KRT8: variants seen among roughly 807,000 people sequenced by gnomAD.
The protein encoded by KRT8 is keratin, type II cytoskeletal 8.
Under a neutral mutation model 43.0 loss-of-function variants are expected in KRT8, and 24 were observed. The ratio of observed to expected loss-of-function variants is 0.56; its 90% CI spans 0.40 to 0.78. The LOEUF (loss-of-function observed/expected upper bound fraction) is 0.78. KRT8 is among the 30% of genes least tolerant of loss of function. KRT8 has a pLI of 0.00. For synonymous variants in KRT8, 214 were observed against 261.2 expected (o/e 0.82, Z 1.74); for missense variants, 492 against 638.4 (o/e 0.77, Z 2.47).
At chr12:52,903,084 C>T (rs1592164945) in intron 1 of KRT8, among the ~76,000 whole-genome samples, 1 of 152,208 alleles carries the variant, frequency 6.6e-6, no homozygotes, top group African/African-American at 2.4e-5. Context: ...CAGCCTAGTT[C>T]CCTCCACCAC....
chr12:52,921,003 G>T (rs1260723145), intron 2 of KRT8, among the ~76,000 whole-genome samples: 1 of 152,140 alleles, frequency 6.6e-6, no homozygotes, highest in East Asian at 1.9e-4. Flanking sequence ...CCATTCCCTG[G>T]TCTCTAAGGA....
intron 3 of KRT8, 166 bp from the exon 4 acceptor site, chr12:52,900,849 C>G (rs2120557956): frequency 1.5e-6 from 1 of 662,900 alleles, no homozygotes; most frequent in East Asian, 2.7e-5. Context: ...ATTCTCAGCC[C>G]ACACACCTTC....
chr12:52,905,779 A>G (rs1051688830), upstream of KRT8, among the ~76,000 whole-genome samples: 1 of 152,042 alleles, frequency 6.6e-6, no homozygotes, highest in Admixed American at 6.6e-5. Flanking sequence ...TCGTCCCTCT[A>G]CATCTGAAGG....
At position 52,949,024 on chromosome 12, in the gene KRT8, A is replaced by G. The variant is rs1942405068; in HGVS notation, c.-47+432T>C. 4 of 701,290 alleles carry G rather than the reference A, an allele frequency of 5.7e-6. No individual in the cohort carries two copies. In the Admixed American group the frequency reaches 1.1e-4, roughly 19 times the overall value. The allele number at this position is 701,290 out of a possible 1,614,324, so 43.4% of individuals were successfully genotyped here. On this transcript the variant is annotated intron_variant, in intron 2 of 6. Transcript: ENST00000546826. Reference sequence around the variant, plus strand: ...CCCGGGGCGGAGGGCGCGGGCTCCGAGCCGTCCACCTGTGGCTCCGGCTTC... The same window carrying G: ...CCCGGGGCGGAGGGCGCGGGCTCCGGGCCGTCCACCTGTGGCTCCGGCTTC...
chr12:52,918,497 G>A (rs1483359694), intron 2 of KRT8, among the ~76,000 whole-genome samples: 5 of 152,280 alleles, frequency 3.3e-5, no homozygotes, highest in East Asian at 1.9e-4. Flanking sequence ...CCAGACAGAC[G>A]CCGCGCAGGT....
chr12:52,901,382 C>A, intron 2 of KRT8, 163 bp from the exon 3 acceptor site: 2 of 686,580 alleles, frequency 2.9e-6, no homozygotes, highest in Non-Finnish European at 5.3e-6. Flanking sequence ...CCTCTCCACC[C>A]TCACCCCTCC....
Position 52,904,278 on chromosome 12 carries a change from G to T in KRT8, c.324+380C>A, listed in dbSNP as rs138587783. 4.4e-3 allele frequency among the ~76,000 whole-genome samples: 677 copies of T among 152,282 alleles called. 2 individuals carry two copies. The highest frequency in any genetic ancestry group is 0.01 in the Middle Eastern group (3 of 294). ...TAGCTTAAAAGACGGTCAGAACTCG[G>T]GTTGGGGTGAGAACAATAACCGCTA... On this transcript the variant is annotated intron_variant, in intron 1 of 7. Transcript: ENST00000692008.
intron 2 of KRT8, among the ~76,000 whole-genome samples, chr12:52,940,711 C>G (rs957420338): frequency 2.7e-5 from 4 of 150,824 alleles, no homozygotes; most frequent in African/African-American, 9.8e-5. Context: ...CTGCAACCTC[C>G]TCCTCCCAGG....
intron 2 of KRT8, among the ~76,000 whole-genome samples, chr12:52,919,366 A>G (rs780925092): frequency 2.4e-4 from 37 of 152,234 alleles, no homozygotes; most frequent in African/African-American, 7.9e-4. Context: ...TCCCGGGTTC[A>G]AGCAATTCTC....
chr12:52,921,584 C>A (rs1190257695), intron 2 of KRT8, among the ~76,000 whole-genome samples: 1 of 152,122 alleles, frequency 6.6e-6, no homozygotes, highest in Non-Finnish European at 1.5e-5. Flanking sequence ...CCCCTCCTTC[C>A]TCTCTCTTTG....
intron 2 of KRT8, among the ~76,000 whole-genome samples, chr12:52,941,438 C>T (rs1942265962): frequency 6.9e-6 from 1 of 144,694 alleles, no homozygotes; most frequent in Non-Finnish European, 1.5e-5. Flanking sequence ...TCTGCGAAAT[C>T]TTACCCTTAG....
At chr12:52,900,395 T>C (rs915470318) in intron 4 of KRT8, among the ~76,000 whole-genome samples, 193 bp downstream of exon 4, 4 of 152,188 alleles carry the variant, frequency 2.6e-5, no homozygotes, top group African/African-American at 4.8e-5. Context: ...TAATGACTCA[T>C]CCCTCATGCG....
exon 1 of KRT8, chr12:52,905,066 C>A: frequency 6.6e-7 from 1 of 1,517,772 alleles, no homozygotes; most frequent in Non-Finnish European, 8.8e-7. Flanking sequence ...GTGAGGAGAG[C>A]TCTCAGGAAT....
At chr12:52,904,767 A>C in exon 1 of KRT8, 3 of 1,612,498 alleles carry the variant, frequency 1.9e-6, no homozygotes, top group Non-Finnish European at 2.5e-6. Context: ...GGGGCTCAGC[A>C]GGCTCTGGTT....
rs2120744533 is a variant in KRT8, at chr12:52,945,261, G to A, written c.-47+4195C>T. Among the ~76,000 whole-genome samples, 3 of 152,240 alleles carry A rather than the reference G, an allele frequency of 2.0e-5. No homozygotes were observed. In the South Asian group the frequency reaches 6.2e-4, roughly 32 times the overall value. The stretch of plus-strand genomic sequence containing the variant: ...ATGGGTATACCCTCCACTGAGAGTA[G>A]CTGAAAGGAGCCCAGGGGAGCCTCC... On this transcript the variant is annotated intron_variant, in intron 2 of 6. Coordinates refer to the KRT8 transcript ENST00000546826.
At chr12:52,918,712 T>G (rs1210283300) in intron 2 of KRT8, among the ~76,000 whole-genome samples, 1 of 152,154 alleles carries the variant, frequency 6.6e-6, no homozygotes, top group African/African-American at 2.4e-5. Flanking sequence ...GTGCCTAAAA[T>G]AGCAGGTTTT....
At chr12:52,919,698 G>C (rs1475313659) in intron 2 of KRT8, among the ~76,000 whole-genome samples, 1 of 151,948 alleles carries the variant, frequency 6.6e-6, no homozygotes, top group Non-Finnish European at 1.5e-5. Flanking sequence ...CCAGGCTGGA[G>C]TGCAGTGGCA....
At chr12:52,933,169 C>T (rs1471874269) in intron 2 of KRT8, among the ~76,000 whole-genome samples, 2 of 152,180 alleles carry the variant, frequency 1.3e-5, no homozygotes, top group Admixed American at 6.5e-5. Context: ...TGGTCTTGAA[C>T]TCCTGACCTC....
At chr12:52,907,247 C>T (rs1025684495), upstream of KRT8, among the ~76,000 whole-genome samples, 5 of 152,144 alleles carry the variant, frequency 3.3e-5, no homozygotes, top group African/African-American at 1.2e-4. Flanking sequence ...AACAAACACC[C>T]GCACCCACCA....
Sources: allele counts gnomAD v4.1 joint callset (sites outside exome capture counted in the v4.1 genomes callset), GRCh38; gene constraint gnomAD v4.1.1; transcripts MANE v1.5; gene names NCBI Gene and HGNC (gene_info 2026-07-23, HGNC 2026-07-21).